ANXA8: variants seen among roughly 807,000 people sequenced by gnomAD.
The protein encoded by ANXA8 is VAC-beta.
In ANXA8, 9 loss-of-function variants were observed where a neutral mutation model predicts 26.8. The ratio of observed to expected loss-of-function variants is 0.34; its 90% CI spans 0.20 to 0.59. The LOEUF (loss-of-function observed/expected upper bound fraction) is 0.59, where lower values mean the gene tolerates loss of function less well. Among genes scored for constraint, ANXA8 ranks in the 20% least tolerant of loss-of-function variants. The pLI is 0.84. For missense variants in ANXA8, 83 were observed against 238.5 expected (o/e 0.35, Z 4.29); for synonymous variants, 39 against 94.8 (o/e 0.41, Z 3.42).
At chr10:47,982,796 C>T in the ANXA8 span, among the ~76,000 whole-genome samples, 2 of 23,874 alleles carry the variant, frequency 8.4e-5, no homozygotes, top group Admixed American at 6.2e-4. Flanking sequence ...GAAGTATTTG[C>T]AAATCATATA....
the ANXA8 span, among the ~76,000 whole-genome samples, chr10:47,768,298 G>A: frequency 1.3e-5 from 2 of 151,398 alleles, no homozygotes; most frequent in Non-Finnish European, 2.9e-5. Flanking sequence ...TTCAGGAACA[G>A]CAATGTGCTC....
the ANXA8 span, among the ~76,000 whole-genome samples, chr10:47,918,353 G>A: frequency 1.5e-4 from 3 of 19,600 alleles, no homozygotes; most frequent in East Asian, 1.7e-3. Flanking sequence ...GAGGGGGAGG[G>A]AGGGAGAGAG....
the ANXA8 span, among the ~76,000 whole-genome samples, chr10:47,660,401 T>G: frequency 9.1e-4 from 138 of 151,594 alleles, no homozygotes; most frequent in African/African-American, 3.1e-3. Context: ...CTTTCTTTCT[T>G]TCTTTTTTTT....
the ANXA8 span, among the ~76,000 whole-genome samples, chr10:47,562,878 A>C: frequency 6.6e-6 from 1 of 150,892 alleles, no homozygotes; most frequent in Non-Finnish European, 1.5e-5. Flanking sequence ...ACCTCAGTTT[A>C]GACATACGGT....
the ANXA8 span, among the ~76,000 whole-genome samples, chr10:47,587,256 T>A: frequency 3.4e-4 from 50 of 148,200 alleles, no homozygotes; most frequent in African/African-American, 1.2e-3. Context: ...CTGACAAGAG[T>A]TATTCCATTG....
At chr10:47,649,677 G>T in the ANXA8 span, among the ~76,000 whole-genome samples, 1 of 150,984 alleles carries the variant, frequency 6.6e-6, no homozygotes, top group Non-Finnish European at 1.5e-5. Context: ...AACGTGCTGG[G>T]ATTACAGGCA....
At chr10:47,988,455 A>T in the ANXA8 span, among the ~76,000 whole-genome samples, 1 of 82,216 alleles carries the variant, frequency 1.2e-5, no homozygotes, top group East Asian at 2.2e-4. Context: ...CACTAGCTCT[A>T]CCCCCTGAGA....
chr10:47,705,695 T>G, the ANXA8 span, among the ~76,000 whole-genome samples: 1 of 151,856 alleles, frequency 6.6e-6, no homozygotes, highest in Non-Finnish European at 1.5e-5. Flanking sequence ...GAATTTATGG[T>G]GCTTTATTTT....
At chr10:47,533,268 C>T in the ANXA8 span, among the ~76,000 whole-genome samples, 1 of 137,016 alleles carries the variant, frequency 7.3e-6, no homozygotes, top group African/African-American at 2.8e-5. Flanking sequence ...TCACCAAAAA[C>T]CTGTGATCAG....
At chr10:47,705,934 G>A in the ANXA8 span, among the ~76,000 whole-genome samples, 1 of 150,472 alleles carries the variant, frequency 6.6e-6, no homozygotes, top group Non-Finnish European at 1.5e-5. Flanking sequence ...GTATTTCGGG[G>A]GGCGGAGGCG....
the ANXA8 span, among the ~76,000 whole-genome samples, chr10:47,501,291 T>A: frequency 2.8e-5 from 4 of 140,816 alleles, no homozygotes; most frequent in Non-Finnish European, 6.1e-5. Flanking sequence ...TGGTGATCAG[T>A]CCGCCTAGGC....
chr10:47,594,181 G>C, the ANXA8 span, among the ~76,000 whole-genome samples: 30,917 of 148,356 alleles, frequency 0.21, 2,399 homozygotes, highest in Non-Finnish European at 0.3. Context: ...CCTTGTGATC[G>C]TGTGAGTCAA....
the ANXA8 span, among the ~76,000 whole-genome samples, chr10:47,617,261 T>A: frequency 6.7e-6 from 1 of 150,312 alleles, no homozygotes; most frequent in Non-Finnish European, 1.5e-5. Context: ...AAATTTGATA[T>A]TGCTGCTAAT....
the ANXA8 span, chr10:47,691,236 T>G: frequency 1.4e-6 from 2 of 1,421,662 alleles, no homozygotes; most frequent in East Asian, 4.7e-5. Context: ...ACGGGTGAGG[T>G]CATTATGGTA....
chr10:47,560,643 C>T, the ANXA8 span, among the ~76,000 whole-genome samples: 938 of 152,088 alleles, frequency 6.2e-3, 33 homozygotes, highest in African/African-American at 0.021. Context: ...GCAGTTGTGA[C>T]GCCCATCCTA....
chr10:47,683,439 A>G, the ANXA8 span, among the ~76,000 whole-genome samples: 9 of 151,886 alleles, frequency 5.9e-5, no homozygotes, highest in African/African-American at 1.2e-4. Flanking sequence ...CCTTTTAGCC[A>G]GGATGGCCTC....
At chr10:47,749,090 C>A in the ANXA8 span, among the ~76,000 whole-genome samples, 2 of 77,838 alleles carry the variant, frequency 2.6e-5, no homozygotes, top group African/African-American at 9.7e-5. Context: ...AAAGAATTAG[C>A]CAGGTATGGT....
At chr10:47,513,414 C>T in the ANXA8 span, among the ~76,000 whole-genome samples, 538 of 142,196 alleles carry the variant, frequency 3.8e-3, 79 homozygotes, top group Non-Finnish European at 5.9e-3. Context: ...GAAAGACACC[C>T]ATGCTCATGA....
At chr10:47,554,119 A>AAATAAATG in the ANXA8 span, among the ~76,000 whole-genome samples, 1 of 143,820 alleles carries the variant, frequency 7.0e-6, no homozygotes, top group East Asian at 2.1e-4. Flanking sequence ...AAAAATAAAT[A>AAATAAATG]AATAAATAAA....
Sources: gnomAD v4.1 joint callset for allele counts (sites outside exome capture counted in the v4.1 genomes callset) on GRCh38, gnomAD v4.1.1 for gene constraint, MANE v1.5 for transcripts, NCBI Gene and HGNC (gene_info 2026-07-23, HGNC 2026-07-21) for gene names.